The following PIKFYVE variants were observed in gnomAD, a reference collection of about 807,000 sequenced individuals.
PIKFYVE encodes phosphoinositide kinase, FYVE-type zinc finger containing.
In PIKFYVE, 122 loss-of-function variants were observed where a neutral mutation model predicts 257.9. The ratio of observed to expected loss-of-function variants is 0.47; its 90% CI spans 0.41 to 0.55. The LOEUF is 0.55. Among genes scored for constraint, PIKFYVE ranks in the 20% least tolerant of loss-of-function variants. The probability of loss-of-function intolerance (pLI) is 0.00; values close to 1 mark genes in which losing one functional copy is unlikely to be tolerated. For missense variants in PIKFYVE, 2,160 were observed against 2,536.6 expected (o/e 0.85, Z 3.19); for synonymous variants, 892 against 868.9 (o/e 1.03, Z -0.47).
chr2:208,292,614 CT>C (rs901758801), intron 7 of PIKFYVE, among the ~76,000 whole-genome samples: 15 of 151,830 alleles, frequency 9.9e-5, no homozygotes, highest in African/African-American at 2.4e-4. Context: ...TACTCCTGCT[CT>C]TTTTTTTATT....
At chr2:208,336,756 T>C (rs1427449578) in intron 27 of PIKFYVE, 82 bp from the exon 28 acceptor site, 1 of 880,498 alleles carries the variant, frequency 1.1e-6, no homozygotes, top group African/African-American at 1.7e-5. Context: ...GATTTCAAAG[T>C]TGTAAAGAGA....
intron 12 of PIKFYVE, among the ~76,000 whole-genome samples, chr2:208,308,411 G>GA (rs964571431): frequency 1.8e-4 from 25 of 135,556 alleles, no homozygotes; most frequent in African/African-American, 6.2e-4. Flanking sequence ...AAAAAAAAAA[G>GA]AAAAAAAATT....
chr2:208,309,239 C>G (rs901445252), intron 12 of PIKFYVE, among the ~76,000 whole-genome samples: 4 of 151,900 alleles, frequency 2.6e-5, no homozygotes, highest in Non-Finnish European at 5.9e-5. Flanking sequence ...GCAGAATTGA[C>G]ATTTAAAGAT....
chr2:208,347,978 C>CA lies in PIKFYVE; in HGVS notation c.5330dup (p.Thr1778AspfsTer12). On this transcript the variant is annotated frameshift_variant, in exon 35 of 42. Transcript: ENST00000264380. LOFTEE classifies it high-confidence loss of function. ...AGATAGTGCTTACTACCAGGTTGGGCAGACGGGCAAGGAGGGGACCGAGAA... is the reference window on the plus strand; with the variant it reads ...AGATAGTGCTTACTACCAGGTTGGGCAAGACGGGCAAGGAGGGGACCGAGAA... 6.2e-7 allele frequency: 1 copy of CA among 1,614,138 alleles called. No homozygotes were observed. The highest frequency in any genetic ancestry group is 2.2e-5 in the East Asian group (1 of 44,878).
intron 26 of PIKFYVE, 49 bp downstream of exon 26, chr2:208,335,950 AATT>A: frequency 1.9e-6 from 3 of 1,577,608 alleles, no homozygotes; most frequent in Non-Finnish European, 2.6e-6. Flanking sequence ...ATTGATTAAA[AATT>A]ATTGATTAAA....
Position 208,326,307 on chromosome 2 carries a change from A to T in PIKFYVE, c.3496A>T (p.Asn1166Tyr). 1 of 1,605,002 alleles carries T rather than the reference A, an allele frequency of 6.2e-7. No individual in the cohort carries two copies. Among genetic ancestry groups the T allele is most frequent in the Non-Finnish European group, 8.5e-7 (1 of 1,175,328 alleles). Residue 1166 changes from asparagine to tyrosine, a missense_variant, in exon 20 of 42, where the codon AAT (asparagine) becomes TAT (tyrosine). Transcript: ENST00000264380. Reference sequence around the variant, plus strand: ...CAGAGGAGGAAGAATTCAGCCCAAAAATTCAGACCCTTTTGCTCATTCAAA... The same window carrying T: ...CAGAGGAGGAAGAATTCAGCCCAAATATTCAGACCCTTTTGCTCATTCAAA... The part of the protein sequence containing the change: ...RARGGRIQPK[N>Y]SDPFAHSKDA...
Position 208,350,905 on chromosome 2 carries a change from G to A in PIKFYVE, c.5569G>A (p.Ala1857Thr). 6.2e-7 allele frequency: 1 copy of A among 1,614,142 alleles called. No homozygotes were observed. Among genetic ancestry groups the A allele is most frequent in the East Asian group, 2.2e-5 (1 of 44,880 alleles). ...RSLSHSSPWQ[A>T]RGGKSGAAFY... is the part of the protein sequence containing the mutation. ...CCTCTCCCACTCATCACCCTGGCAG[G>A]CCCGGGGAGGCAAATCAGGAGCTGC... Residue 1857 changes from alanine (A) to threonine (T), a missense_variant, in exon 37 of 42, where the codon GCC becomes ACC. This residue lies in a region of PIKFYVE where 699 missense variants were observed against 855.8 expected (regional missense o/e 0.82). Transcript: ENST00000264380.
At chr2:208,326,656 T>C (rs1326539381) in intron 20 of PIKFYVE, among the ~76,000 whole-genome samples, 1 of 152,204 alleles carries the variant, frequency 6.6e-6, no homozygotes, top group Non-Finnish European at 1.5e-5. Flanking sequence ...AAGGTGAGCT[T>C]ATAATAAGCT....
chr2:208,296,756 T>A (rs1402693205), intron 7 of PIKFYVE, among the ~76,000 whole-genome samples: 1 of 152,040 alleles, frequency 6.6e-6, no homozygotes, highest in Non-Finnish European at 1.5e-5. Flanking sequence ...ATCTTATTAG[T>A]CAAGTGGAGA....
At chr2:208,328,375 A>G in intron 21 of PIKFYVE, 95 bp downstream of exon 21, 1 of 1,443,010 alleles carries the variant, frequency 6.9e-7, no homozygotes, top group East Asian at 2.3e-5. Context: ...TAGGACCTGT[A>G]TTTAGGTACA....
At chr2:208,302,455 C>G (rs1414282681) in intron 10 of PIKFYVE, 102 bp downstream of exon 10, 1 of 1,165,854 alleles carries the variant, frequency 8.6e-7, no homozygotes, top group Non-Finnish European at 1.2e-6. Flanking sequence ...GATGATTTTT[C>G]TAACATTTTT....
chr2:208,354,803 A>G (rs952852045), intron 41 of PIKFYVE, among the ~76,000 whole-genome samples, 158 bp downstream of exon 41: 1 of 152,254 alleles, frequency 6.6e-6, no homozygotes, highest in Non-Finnish European at 1.5e-5. Flanking sequence ...TGAGAATTAT[A>G]TAGGTGGGGA....
At position 208,280,308 on chromosome 2, in the gene PIKFYVE, A is replaced by G. The variant is rs114283961; in HGVS notation, c.613+2600A>G. 3.4e-3 allele frequency among the ~76,000 whole-genome samples: 517 copies of G among 152,272 alleles called. 8 individuals carry two copies. Among genetic ancestry groups the G allele is most frequent in the African/African-American group, 0.012 (507 of 41,550 alleles). ...AATATAGGGATTCTGCTGGTTGTCT[A>G]TTCTAACTGTATGTTCTAGAACTGG... is the stretch of plus-strand genomic sequence containing the variant. On this transcript the variant is annotated intron_variant, in intron 5 of 41. Coordinates refer to ENST00000264380, the MANE Select transcript of PIKFYVE (RefSeq NM_015040.4).
chr2:208,288,824 C>T lies in PIKFYVE; in HGVS notation c.911+6C>T, dbSNP rs1574466393. On this transcript the variant is annotated splice_donor_region_variant and intron_variant, in intron 7 of 41. Coordinates refer to ENST00000264380, the MANE Select transcript of PIKFYVE (RefSeq NM_015040.4). ...AAATCTCCTGCTCGAAATAGGTAAACTGACAAATGAAAACACTGTGCTCTC... is the reference window on the plus strand; with the variant it reads ...AAATCTCCTGCTCGAAATAGGTAAATTGACAAATGAAAACACTGTGCTCTC... 6.2e-7 allele frequency: 1 copy of T among 1,613,754 alleles called. No homozygotes were observed. Among genetic ancestry groups the T allele is most frequent in the East Asian group, 2.2e-5 (1 of 44,836 alleles).
rs569512232 is a variant in PIKFYVE, at chr2:208,284,556, C to T, written c.614-1170C>T. Among the ~76,000 whole-genome samples, 11 of 150,598 alleles carry T rather than the reference C, an allele frequency of 7.3e-5. No individual in the cohort carries two copies. In the East Asian group the frequency reaches 1.0e-3, roughly 14 times the overall value. ...GATTACAGGCGTGAGCCACCGTGCC[C>T]GGCCTTAACTTTTTTTTATAATAAT... is the stretch of plus-strand genomic sequence containing the variant. On this transcript the variant is annotated intron_variant, in intron 5 of 41. Coordinates refer to ENST00000264380, the MANE Select transcript of PIKFYVE (RefSeq NM_015040.4).
intron 5 of PIKFYVE, among the ~76,000 whole-genome samples, chr2:208,280,768 G>A (rs1395826123): frequency 1.3e-5 from 2 of 152,312 alleles, no homozygotes; most frequent in East Asian, 3.9e-4. Context: ...TTGATATGGA[G>A]TTGTTTCCCT....
chr2:208,308,764 A>G (rs1694640621), intron 12 of PIKFYVE, among the ~76,000 whole-genome samples: 1 of 151,190 alleles, frequency 6.6e-6, no homozygotes, highest in Admixed American at 6.6e-5. Context: ...CTGGAGTGCA[A>G]TGGCCTGGTC....
At chr2:208,338,442 A>C in intron 28 of PIKFYVE, 66 bp from the exon 29 acceptor site, 1 of 1,500,364 alleles carries the variant, frequency 6.7e-7, no homozygotes, top group African/African-American at 1.4e-5. Context: ...GATTCACTGG[A>C]TTAAAAAATT....
intron 12 of PIKFYVE, among the ~76,000 whole-genome samples, chr2:208,306,840 C>T (rs1009946965): frequency 8.6e-5 from 13 of 150,932 alleles, no homozygotes; most frequent in Non-Finnish European, 1.2e-4. Flanking sequence ...TGCAGTGGCG[C>T]GATCTTGGCT....
Sources: gnomAD v4.1 joint callset for allele counts (sites outside exome capture counted in the v4.1 genomes callset) on GRCh38, gnomAD v4.1.1 for gene constraint, gnomAD v4.1.1 regional missense constraint, MANE v1.5 for transcripts, NCBI Gene and HGNC (gene_info 2026-07-23, HGNC 2026-07-21) for gene names.